Variants in MAPK1IP1L observed in about 807,000 individuals in gnomAD.
MAPK1IP1L encodes the protein mitogen-activated protein kinase 1 interacting protein 1 like, also known as MAPK-interacting and spindle-stabilizing protein-like.
MAPK1IP1L carries 10 observed loss-of-function variants against 18.1 expected under a neutral mutation model. That is an observed-to-expected ratio of 0.55 (90% CI 0.34 to 0.94). MAPK1IP1L has a LOEUF of 0.94. Among genes scored for constraint, MAPK1IP1L ranks in the 40% least tolerant of loss-of-function variants. The pLI is 0.02. For missense variants in MAPK1IP1L, 260 were observed against 318.2 expected, an observed-to-expected ratio of 0.82 and a Z score of 1.39; for synonymous variants, 115 against 117.3, an observed-to-expected ratio of 0.98 and a Z score of 0.13.
rs755337950 is a variant in MAPK1IP1L at position 55,051,648 on chromosome 14, C to T, written c.-160C>T. On this transcript the variant is annotated 5_prime_UTR_variant, in exon 1 of 4. Coordinates refer to ENST00000395468, the MANE Select transcript of MAPK1IP1L (RefSeq NM_144578.4). ...ACGGGCGGAGGCGGTGCGCTCGGCGCTTCCTGTTCCGGCGCCAGGAGGAGC... is the reference window on the plus strand; with the variant it reads ...ACGGGCGGAGGCGGTGCGCTCGGCGTTTCCTGTTCCGGCGCCAGGAGGAGC... The T allele has an allele frequency of 2.0e-6, 1 of 510,762 alleles. No homozygotes were observed. Among genetic ancestry groups the T allele is most frequent in the Non-Finnish European group, 3.9e-6 (1 of 257,046 alleles). The allele number at this position is 510,762 out of a possible 1,614,324, so 31.6% of individuals were successfully genotyped here.
rs144810188 is a variant in MAPK1IP1L, at chr14:55,061,259, G to A, written c.-4-421G>A. Among the ~76,000 whole-genome samples the A allele has an allele frequency of 6.4e-3, 981 of 152,320 alleles. 11 individuals are homozygous for A. Among genetic ancestry groups the A allele is most frequent in the African/African-American group, 0.023 (941 of 41,564 alleles). ...TAATATCCAGTGGTAAAAGGAGTTA[G>A]AGAAATGAGTGTAAATTGGCATGGA... is the stretch of plus-strand genomic sequence containing the variant. On this transcript the variant is annotated intron_variant, in intron 1 of 3. Transcript: ENST00000395468.
In MAPK1IP1L at chr14:55,061,092, G is replaced by A. The variant is rs190294006; in HGVS notation, c.-4-588G>A. Among the ~76,000 whole-genome samples, 29 of 152,248 alleles carry A rather than the reference G, an allele frequency of 1.9e-4. 1 individual carries two copies. In the East Asian group the frequency reaches 5.6e-3, roughly 29 times the overall value. ...TTGAGCCCAGGAGGTCAAGATTGCA[G>A]TGAGCTGTGATCTCTCTCGCCACTG... On this transcript the variant is annotated intron_variant, in intron 1 of 3. Coordinates refer to ENST00000395468, the MANE Select transcript of MAPK1IP1L (RefSeq NM_144578.4).
intron 1 of MAPK1IP1L, among the ~76,000 whole-genome samples, chr14:55,059,196 G>A: frequency 1.0e-5 from 1 of 100,138 alleles, no homozygotes; most frequent in Non-Finnish European, 2.0e-5. Flanking sequence ...TTAACGATCT[G>A]GAAAAAATAA....
In MAPK1IP1L at chr14:55,068,301, A is replaced by G. The variant is rs1483609190; in HGVS notation, c.*3674A>G. ...TATTGGGATATTTTCTAAAAAACCA[A>G]TCAATTTGCCCATGATTACCTCACA... is the stretch of plus-strand genomic sequence containing the variant. On this transcript the variant is annotated 3_prime_UTR_variant, in exon 4 of 4. Coordinates refer to ENST00000395468, the MANE Select transcript of MAPK1IP1L (RefSeq NM_144578.4). 1 of 152,638 alleles carries G rather than the reference A, an allele frequency of 6.6e-6. No homozygotes were observed. The highest frequency in any genetic ancestry group is 1.5e-5 in the Non-Finnish European group (1 of 68,044). 9.5% of individuals were successfully genotyped at this position (152,638 alleles called of 1,614,324 possible).
rs530053586 is a variant in MAPK1IP1L, at chr14:55,064,784, A to G, written c.*157A>G. On this transcript the variant is annotated 3_prime_UTR_variant, in exon 4 of 4. Transcript: ENST00000395468. ...GAAGATAACTGCCTCTTGTACTTGG[A>G]TGCGTAGTACATCATATGTATACAA... The G allele has an allele frequency of 1.1e-3, 672 of 619,868 alleles. 3 individuals carry two copies. The highest frequency in any genetic ancestry group is 3.9e-3 in the South Asian group (177 of 45,842). 38.4% of individuals were successfully genotyped at this position (619,868 alleles called of 1,614,324 possible).
Position 55,051,669 on chromosome 14 carries a change from G to A in MAPK1IP1L, c.-139G>A, listed in dbSNP as rs774613276. The A allele has an allele frequency of 1.9e-6, 1 of 514,630 alleles. No homozygotes were observed. Among genetic ancestry groups the A allele is most frequent in the Non-Finnish European group, 3.9e-6 (1 of 258,836 alleles). 31.9% of individuals were successfully genotyped at this position (514,630 alleles called of 1,614,324 possible). ...GGCGCTTCCTGTTCCGGCGCCAGGA[G>A]GAGCCGCGCGCTGCTGGTGCTGTTG... On this transcript the variant is annotated 5_prime_UTR_variant, in exon 1 of 4. Transcript: ENST00000395468.
intron 3 of MAPK1IP1L, among the ~76,000 whole-genome samples, chr14:55,063,690 A>G (rs2042838551): frequency 6.6e-6 from 1 of 152,204 alleles, no homozygotes; most frequent in Non-Finnish European, 1.5e-5. Context: ...AGTACAGTTC[A>G]GTAAAAGCAG....
At chr14:55,062,202 A>G (rs2042823162) in intron 2 of MAPK1IP1L, among the ~76,000 whole-genome samples, 1 of 152,232 alleles carries the variant, frequency 6.6e-6, no homozygotes, top group Non-Finnish European at 1.5e-5. Context: ...GAAATATCAT[A>G]TTTAAGCCTC....
chr14:55,061,812 A>G (rs1241358845), intron 2 of MAPK1IP1L, 111 bp downstream of exon 2: 2 of 864,734 alleles, frequency 2.3e-6, no homozygotes, highest in East Asian at 2.9e-5. Flanking sequence ...TTAACCAGGC[A>G]TGGTGGTGTG....
intron 1 of MAPK1IP1L, among the ~76,000 whole-genome samples, chr14:55,056,776 T>TG (rs1463086851): frequency 6.6e-6 from 1 of 152,234 alleles, no homozygotes; most frequent in African/African-American, 2.4e-5. Flanking sequence ...CCCAAAGTGC[T>TG]GGGATTACAG....
chr14:55,059,029 T>TG (rs2042793209), intron 1 of MAPK1IP1L, among the ~76,000 whole-genome samples: 1 of 151,920 alleles, frequency 6.6e-6, no homozygotes, highest in East Asian at 1.9e-4. Context: ...TGAGTATCTA[T>TG]GGGGGTCCTA....
chr14:55,067,907 T>G lies in MAPK1IP1L; in HGVS notation c.*3280T>G, dbSNP rs2042877402. On this transcript the variant is annotated 3_prime_UTR_variant, in exon 4 of 4. Transcript: ENST00000395468. The stretch of plus-strand genomic sequence containing the variant: ...TGAGGTGTTCAGGAATGCTGTTTCT[T>G]GGAGTTGGAAGCTTAGGTTTTGAAA... 6.6e-6 allele frequency: 1 copy of G among 152,182 alleles called. No homozygotes were observed. Among genetic ancestry groups the G allele is most frequent in the Admixed American group, 6.5e-5 (1 of 15,280 alleles). 9.4% of individuals were successfully genotyped at this position (152,182 alleles called of 1,614,324 possible).
chr14:55,061,381 G>T (rs904795468), intron 1 of MAPK1IP1L, among the ~76,000 whole-genome samples: 1 of 152,146 alleles, frequency 6.6e-6, no homozygotes, highest in East Asian at 1.9e-4. Context: ...AAACAAAGAA[G>T]TGTTGAGAGA....
In MAPK1IP1L at chr14:55,068,831, A is replaced by G. The variant is rs1435733375; in HGVS notation, c.*4204A>G. 1.3e-5 allele frequency: 2 copies of G among 152,216 alleles called. No homozygotes were observed. Among genetic ancestry groups the G allele is most frequent in the Non-Finnish European group, 2.9e-5 (2 of 68,038 alleles). 9.4% of individuals were successfully genotyped at this position (152,216 alleles called of 1,614,324 possible). The stretch of plus-strand genomic sequence containing the variant: ...TCAGTAGACAATATGTCCTTGATCC[A>G]GGTTCTTTGCCAGCTATAAGGGAAT... On this transcript the variant is annotated 3_prime_UTR_variant, in exon 4 of 4. Coordinates refer to ENST00000395468, the MANE Select transcript of MAPK1IP1L (RefSeq NM_144578.4).
intron 1 of MAPK1IP1L, among the ~76,000 whole-genome samples, chr14:55,055,028 A>C (rs2042760468): frequency 6.6e-6 from 1 of 152,090 alleles, no homozygotes; most frequent in Non-Finnish European, 1.5e-5. Flanking sequence ...GAAAAAAAAG[A>C]AAGCCTTTCT....
intron 3 of MAPK1IP1L, chr14:55,064,077 G>T (rs537652902): frequency 1.6e-5 from 2 of 128,260 alleles, no homozygotes; most frequent in African/African-American, 3.0e-5. Flanking sequence ...GCAGTCTCTC[G>T]GCTCGCTGCA....
At chr14:55,053,257 C>G (rs2042744748) in intron 1 of MAPK1IP1L, among the ~76,000 whole-genome samples, 1 of 152,220 alleles carries the variant, frequency 6.6e-6, no homozygotes, top group Non-Finnish European at 1.5e-5. Flanking sequence ...CGATTCCGAT[C>G]TTCCTTTGCC....
intron 1 of MAPK1IP1L, among the ~76,000 whole-genome samples, chr14:55,056,258 C>T (rs1222075918): frequency 1.3e-5 from 2 of 152,100 alleles, no homozygotes; most frequent in African/African-American, 4.8e-5. Context: ...TATGTAATTC[C>T]ATGACTAGGT....
Position 55,065,588 on chromosome 14 carries a change from C to T in MAPK1IP1L, c.*961C>T, listed in dbSNP as rs1032837120. 9 of 152,186 alleles carry T rather than the reference C, an allele frequency of 5.9e-5. No homozygotes were observed. The highest frequency in any genetic ancestry group is 1.9e-4 in the African/African-American group (8 of 41,418). 9.4% of individuals were successfully genotyped at this position (152,186 alleles called of 1,614,324 possible). The stretch of plus-strand genomic sequence containing the variant: ...TGCCCTTGGTTCTTTAGAAGGAGCA[C>T]ACACATCCCTTGATTCCTCCCTGAT... On this transcript the variant is annotated 3_prime_UTR_variant, in exon 4 of 4. Coordinates refer to ENST00000395468, the MANE Select transcript of MAPK1IP1L (RefSeq NM_144578.4).
Sources: gnomAD v4.1 joint callset for allele counts (sites outside exome capture counted in the v4.1 genomes callset) on GRCh38, gnomAD v4.1.1 for gene constraint, MANE v1.5 for transcripts, NCBI Gene and HGNC (gene_info 2026-07-23, HGNC 2026-07-21) for gene names.